The following HAT1 variants were observed in gnomAD, a reference collection of about 807,000 sequenced individuals.
HAT1 encodes the protein histone acetyltransferase 1, also known as histone acetyltransferase type B catalytic subunit.
A neutral mutation model predicts 56.6 loss-of-function variants in HAT1; 20 were observed. That is an observed-to-expected ratio of 0.35 (90% CI 0.25 to 0.51). The LOEUF (loss-of-function observed/expected upper bound fraction) is 0.51. HAT1 is among the 20% of genes least tolerant of loss of function. HAT1 has a pLI of 0.95. For missense variants in HAT1, 408 were observed against 504.3 expected (o/e 0.81, Z 1.83); for synonymous variants, 146 against 165.5 (o/e 0.88, Z 0.91).
intron 10 of HAT1, among the ~76,000 whole-genome samples, chr2:171,981,815 T>C (rs1329484989): frequency 6.6e-6 from 1 of 152,176 alleles, no homozygotes; most frequent in Admixed American, 6.5e-5. Context: ...TTTGATGTTA[T>C]CAATTCAGAA....
intron 8 of HAT1, among the ~76,000 whole-genome samples, chr2:171,974,190 A>G (rs1235092222): frequency 4.0e-5 from 5 of 124,828 alleles, no homozygotes; most frequent in East Asian, 2.5e-4. Flanking sequence ...AAAAAAAAAA[A>G]AAGAAAAAAA....
Position 171,925,594 on chromosome 2 carries a change from T to G in HAT1, c.65T>G (p.Leu22Arg). ...TATAAGAGTGCAGTGGAGAAGAAAC[T>G]GGCAGAGTACAAATGTAACACCAAC... ...VEYKSAVEKK[L>R]AEYKCNTNTA... Residue 22 changes from leucine (L) to arginine (R), a missense_variant, in exon 2 of 11, where the codon CTG (leucine) becomes CGG (arginine). By Grantham distance (102) the Leu-to-Arg change is moderately radical. Coordinates refer to ENST00000264108, the MANE Select transcript of HAT1 (RefSeq NM_003642.4). 3 of 1,584,608 alleles carry G rather than the reference T, an allele frequency of 1.9e-6. No individual in the cohort carries two copies. Among genetic ancestry groups the G allele is most frequent in the Non-Finnish European group, 2.6e-6 (3 of 1,153,198 alleles).
chr2:171,965,569 T>A, intron 5 of HAT1, 52 bp downstream of exon 5: 1 of 1,204,754 alleles, frequency 8.3e-7, no homozygotes, highest in Non-Finnish European at 1.2e-6. Context: ...GCCTGAAACC[T>A]GTATGTAGTT....
intron 2 of HAT1, among the ~76,000 whole-genome samples, chr2:171,928,877 T>C (rs149287278): frequency 1.1e-4 from 16 of 152,326 alleles, no homozygotes; most frequent in Non-Finnish European, 2.1e-4. Context: ...TTAATAGATA[T>C]TTGAGTTGTT....
chr2:171,936,626 T>TA (rs1686879277), intron 2 of HAT1, among the ~76,000 whole-genome samples: 1 of 152,122 alleles, frequency 6.6e-6, no homozygotes, highest in Admixed American at 6.5e-5. Flanking sequence ...TGGGATTAAT[T>TA]ATGGCATCTC....
intron 2 of HAT1, among the ~76,000 whole-genome samples, chr2:171,943,726 C>CATATATATATATAT (rs141557606): frequency 8.4e-5 from 12 of 143,016 alleles, no homozygotes; most frequent in South Asian, 2.2e-4. Flanking sequence ...TATGGACATT[C>CATATATATATATAT]ATATATATAT....
chr2:171,932,454 G>C (rs1049077346), intron 2 of HAT1, among the ~76,000 whole-genome samples: 42 of 152,090 alleles, frequency 2.8e-4, no homozygotes, highest in African/African-American at 9.7e-4. Context: ...ATTTAATACT[G>C]TTCTGATCTT....
intron 8 of HAT1, among the ~76,000 whole-genome samples, chr2:171,969,175 T>C (rs1241336243): frequency 6.6e-6 from 1 of 152,228 alleles, no homozygotes; most frequent in Non-Finnish European, 1.5e-5. Flanking sequence ...TCTTGTTTCC[T>C]CTGGACTTCT....
chr2:171,953,351 CA>C (rs1027034857), intron 4 of HAT1, among the ~76,000 whole-genome samples: 3 of 151,496 alleles, frequency 2.0e-5, no homozygotes, highest in Non-Finnish European at 4.4e-5. Flanking sequence ...GTCTCAAAAA[CA>C]AAACAAACAA....
intron 8 of HAT1, among the ~76,000 whole-genome samples, chr2:171,971,172 C>G (rs1465641524): frequency 6.6e-6 from 1 of 152,024 alleles, no homozygotes; most frequent in Non-Finnish European, 1.5e-5. Context: ...TACTCCAGCC[C>G]GGGTGACAGA....
chr2:171,926,770 T>C (rs902528988), intron 2 of HAT1, among the ~76,000 whole-genome samples: 19 of 152,200 alleles, frequency 1.2e-4, no homozygotes, highest in African/African-American at 3.6e-4. Flanking sequence ...AAATGAATTA[T>C]ATGACCCAGG....
At chr2:171,963,380 T>C (rs1574058503) in intron 4 of HAT1, among the ~76,000 whole-genome samples, 3 of 152,288 alleles carry the variant, frequency 2.0e-5, no homozygotes, top group African/African-American at 7.2e-5. Flanking sequence ...CTTTTTCAAC[T>C]TTGTTGGGCT....
intron 8 of HAT1, among the ~76,000 whole-genome samples, chr2:171,967,926 A>T (rs965757177): frequency 7.2e-6 from 1 of 138,434 alleles, no homozygotes; most frequent in Admixed American, 8.2e-5. Context: ...TGGTTGTAAG[A>T]CTGGCAACCA....
chr2:171,978,058 C>T (rs1328365209), intron 9 of HAT1, among the ~76,000 whole-genome samples: 5 of 137,132 alleles, frequency 3.6e-5, no homozygotes, highest in Non-Finnish European at 8.1e-5. Context: ...TTTTCCTTTT[C>T]CTTTTTTTTT....
At chr2:171,956,755 T>C (rs1009998540) in intron 4 of HAT1, among the ~76,000 whole-genome samples, 1 of 152,152 alleles carries the variant, frequency 6.6e-6, no homozygotes, top group Non-Finnish European at 1.5e-5. Context: ...TCTGGCTGCT[T>C]ATAGTAAAGT....
At chr2:171,962,226 T>A (rs982792008) in intron 4 of HAT1, among the ~76,000 whole-genome samples, 8 of 152,216 alleles carry the variant, frequency 5.3e-5, no homozygotes, top group Non-Finnish European at 1.0e-4. Context: ...CACTGGAACT[T>A]GAAATGACCA....
At chr2:171,922,571 A>G in intron 1 of HAT1, 64 bp downstream of exon 1, 2 of 1,261,250 alleles carry the variant, frequency 1.6e-6, no homozygotes, top group Non-Finnish European at 2.1e-6. Context: ...GAACGCCGAG[A>G]CGGTGGTGAC....
At chr2:171,975,860 CTCTATT>C (rs1687948687) in intron 8 of HAT1, among the ~76,000 whole-genome samples, 1 of 150,878 alleles carries the variant, frequency 6.6e-6, no homozygotes, top group Non-Finnish European at 1.5e-5. Context: ...TTGATTTCTA[CTCTATT>C]ATTATTATTG....
At chr2:171,981,090 A>C (rs1335688941) in intron 10 of HAT1, among the ~76,000 whole-genome samples, 1 of 151,840 alleles carries the variant, frequency 6.6e-6, no homozygotes, top group African/African-American at 2.4e-5. Flanking sequence ...GAATTGCTTG[A>C]ACCTGGGAGG....
Sources: gnomAD v4.1 joint callset for allele counts (sites outside exome capture counted in the v4.1 genomes callset) on GRCh38, gnomAD v4.1.1 for gene constraint, MANE v1.5 for transcripts, NCBI Gene and HGNC (gene_info 2026-07-23, HGNC 2026-07-21) for gene names.